ROBO1: variants seen among roughly 807,000 people sequenced by gnomAD.
The protein encoded by ROBO1 is roundabout guidance receptor 1.
Under a neutral mutation model 195.9 loss-of-function variants are expected in ROBO1, and 149 were observed. The ratio of observed to expected loss-of-function variants is 0.76; its 90% CI spans 0.67 to 0.87. The LOEUF is 0.87. ROBO1 is among the 40% of genes least tolerant of loss of function. The pLI is 0.00. For missense variants in ROBO1, 1,933 were observed against 2,068.3 expected (o/e 0.93, Z 1.27); for synonymous variants, 816 against 733.2 (o/e 1.11, Z -1.82).
intron 2 of ROBO1, among the ~76,000 whole-genome samples, chr3:79,184,277 G>A (rs1257846238): frequency 6.6e-6 from 1 of 151,954 alleles, no homozygotes; most frequent in Non-Finnish European, 1.5e-5. Flanking sequence ...TCCCTCAATC[G>A]GGCCTCTTTT....
At chr3:79,297,224 T>C (rs769768242) in intron 2 of ROBO1, among the ~76,000 whole-genome samples, 5 of 152,176 alleles carry the variant, frequency 3.3e-5, no homozygotes, top group Non-Finnish European at 5.9e-5. Context: ...GTTGGAAATA[T>C]TCACTTGAAC....
At chr3:79,053,776 T>C (rs988743229) in intron 3 of ROBO1, among the ~76,000 whole-genome samples, 3 of 152,068 alleles carry the variant, frequency 2.0e-5, no homozygotes, top group African/African-American at 7.2e-5. Flanking sequence ...CCATCTCAGA[T>C]ACCTACTCTT....
At chr3:79,489,880 GTATTTTTACATATGAAGATTTCATATAA>G (rs1240097742) in intron 2 of ROBO1, among the ~76,000 whole-genome samples, 31 of 152,112 alleles carry the variant, frequency 2.0e-4, no homozygotes, top group African/African-American at 7.2e-4. Context: ...ATTCATAAGT[GTATTTTTACATATGAAGATTTCATATAA>G]TATGTATTTC....
intron 4 of ROBO1, among the ~76,000 whole-genome samples, chr3:78,923,966 C>T (rs1251846478): frequency 6.6e-6 from 1 of 151,538 alleles, no homozygotes; most frequent in East Asian, 1.9e-4. Context: ...ATGACCTGAA[C>T]TCCTTAGGGA....
intron 4 of ROBO1, among the ~76,000 whole-genome samples, chr3:78,879,976 C>T (rs184400902): frequency 1.1e-4 from 16 of 152,110 alleles, no homozygotes; most frequent in African/African-American, 3.4e-4. Context: ...AAATGAAAGA[C>T]AATCATTACT....
rs78753546 is a variant in ROBO1, at chr3:78,729,084, C to T, written c.658-11201G>A. 6.2e-3 allele frequency among the ~76,000 whole-genome samples: 939 copies of T among 152,306 alleles called. 2 individuals carry two copies. Among genetic ancestry groups the T allele is most frequent in the Middle Eastern group, 0.01 (3 of 294 alleles). On this transcript the variant is annotated intron_variant, in intron 5 of 30. Transcript: ENST00000464233. Reference sequence around the variant, plus strand: ...GAGAACACAGGCCTGGGAGAGTCCCCGCCTAGGACTCTGGCAGCTGCACTT... The same window carrying T: ...GAGAACACAGGCCTGGGAGAGTCCCTGCCTAGGACTCTGGCAGCTGCACTT...
intron 26 of ROBO1, among the ~76,000 whole-genome samples, chr3:78,626,635 C>G (rs185871524): frequency 6.6e-6 from 1 of 152,028 alleles, no homozygotes; most frequent in Admixed American, 6.6e-5. Flanking sequence ...TAAAATGGTG[C>G]AGGAACAGCT....
intron 4 of ROBO1, among the ~76,000 whole-genome samples, chr3:78,841,633 G>A (rs907755007): frequency 1.3e-5 from 2 of 151,982 alleles, no homozygotes; most frequent in Admixed American, 6.6e-5. Flanking sequence ...AAAAACAGAA[G>A]TAATCAATAA....
intron 2 of ROBO1, among the ~76,000 whole-genome samples, chr3:79,439,543 G>C (rs2038988498): frequency 6.6e-6 from 1 of 151,954 alleles, no homozygotes; most frequent in Non-Finnish European, 1.5e-5. Context: ...CCTTCTAAAA[G>C]TAACATTTAT....
chr3:78,629,463 G>A (rs757729710), intron 25 of ROBO1, among the ~76,000 whole-genome samples: 4 of 152,050 alleles, frequency 2.6e-5, no homozygotes, highest in Non-Finnish European at 5.9e-5. Context: ...AGGCTGAGGC[G>A]GGACGATCGC....
chr3:78,995,563 G>C (rs1439056448), intron 3 of ROBO1, among the ~76,000 whole-genome samples: 3 of 151,980 alleles, frequency 2.0e-5, no homozygotes, highest in Non-Finnish European at 2.9e-5. Context: ...TAAATCATGT[G>C]ACTCTTCTGC....
intron 1 of ROBO1, among the ~76,000 whole-genome samples, chr3:79,697,630 C>T (rs1373591868): frequency 6.6e-6 from 1 of 151,076 alleles, no homozygotes; most frequent in Non-Finnish European, 1.5e-5. Flanking sequence ...AATTCTTTGT[C>T]ACAATAAGAC....
chr3:79,207,900 C>A (rs2108794623), intron 2 of ROBO1, among the ~76,000 whole-genome samples: 1 of 152,032 alleles, frequency 6.6e-6, no homozygotes, highest in Non-Finnish European at 1.5e-5. Flanking sequence ...TTGAACATAC[C>A]TTGAGACATC....
At chr3:78,609,276 T>C (rs114624698) in intron 28 of ROBO1, among the ~76,000 whole-genome samples, 4,722 of 152,294 alleles carry the variant, frequency 0.031, 95 homozygotes, top group Non-Finnish European at 0.044. Flanking sequence ...CCCACCTCCA[T>C]TTCAAATCCC....
chr3:79,685,910 C>T (rs1358905057), intron 1 of ROBO1, among the ~76,000 whole-genome samples: 5 of 151,876 alleles, frequency 3.3e-5, no homozygotes, highest in African/African-American at 1.2e-4. Context: ...CTGGCAGAGA[C>T]AACAACAAAA....
intron 1 of ROBO1, among the ~76,000 whole-genome samples, chr3:79,652,615 C>T (rs1946044274): frequency 6.6e-6 from 1 of 151,992 alleles, no homozygotes; most frequent in Non-Finnish European, 1.5e-5. Flanking sequence ...CAGGCTTTGG[C>T]ACATATTTTC....
chr3:79,557,504 G>T (rs943090194), intron 2 of ROBO1, among the ~76,000 whole-genome samples: 1 of 151,786 alleles, frequency 6.6e-6, no homozygotes, highest in Admixed American at 6.6e-5. Flanking sequence ...GAGGCTGAGG[G>T]GGGTGGATCA....
At chr3:79,112,911 A>G (rs148840480) in intron 3 of ROBO1, among the ~76,000 whole-genome samples, 1 of 152,120 alleles carries the variant, frequency 6.6e-6, no homozygotes, top group Non-Finnish European at 1.5e-5. Flanking sequence ...CTTAAAGTAT[A>G]ATAAAAAAAT....
chr3:79,153,543 T>C (rs1198262271), intron 2 of ROBO1, among the ~76,000 whole-genome samples: 1 of 151,536 alleles, frequency 6.6e-6, no homozygotes, highest in Non-Finnish European at 1.5e-5. Flanking sequence ...TTTATCAAGA[T>C]TAGAGAAGGA....
Sources: allele counts gnomAD v4.1 joint callset (sites outside exome capture counted in the v4.1 genomes callset), GRCh38; gene constraint gnomAD v4.1.1; transcripts MANE v1.5; gene names NCBI Gene and HGNC (gene_info 2026-07-23, HGNC 2026-07-21).